STPG1: variants seen among roughly 807,000 people sequenced by gnomAD.
STPG1 encodes O(6)-methylguanine-induced apoptosis 2.
In STPG1, 33 loss-of-function variants were observed where a neutral mutation model predicts 40.1. The observed-to-expected ratio is 0.82, with a 90% confidence interval of 0.62 to 1.10. The LOEUF is 1.10. STPG1 is among the 50% of genes least tolerant of loss of function. The pLI, the probability that STPG1 is intolerant of heterozygous loss-of-function variation, is 0.00. For synonymous variants in STPG1, 150 were observed against 155.0 expected, an observed-to-expected ratio of 0.97 and a Z score of 0.24; for missense variants, 396 against 415.1, an observed-to-expected ratio of 0.95 and a Z score of 0.40.
chr1:24,401,860 T>C (rs1643242339), intron 1 of STPG1, among the ~76,000 whole-genome samples: 1 of 152,098 alleles, frequency 6.6e-6, no homozygotes, highest in Admixed American at 6.5e-5. Context: ...CTGTAATTTG[T>C]ATTTTTAGCA....
chr1:24,373,572 C>A (rs903830531), intron 6 of STPG1, 130 bp downstream of exon 6: 34 of 676,192 alleles, frequency 5.0e-5, no homozygotes, highest in African/African-American at 8.8e-5. Context: ...TGTTCAGTAC[C>A]TGCCTGCTAC....
At chr1:24,381,907 G>A (rs778919297) in intron 4 of STPG1, among the ~76,000 whole-genome samples, 10 of 152,276 alleles carry the variant, frequency 6.6e-5, no homozygotes, top group East Asian at 1.9e-4. Flanking sequence ...GAGGTAAAAC[G>A]CAGAGATCTC....
At chr1:24,392,754 T>TG (rs556133836) in intron 2 of STPG1, among the ~76,000 whole-genome samples, 30 of 151,844 alleles carry the variant, frequency 2.0e-4, no homozygotes, top group African/African-American at 4.8e-4. Flanking sequence ...AAATTTTGGG[T>TG]GGGGGGGTGC....
At chr1:24,360,718 G>A (rs1375143568) in intron 8 of STPG1, 133 bp downstream of exon 8, 18 of 779,312 alleles carry the variant, frequency 2.3e-5, no homozygotes, top group Non-Finnish European at 3.4e-5. Flanking sequence ...AACTGATAAT[G>A]CTTCCAAATC....
chr1:24,364,234 T>G (rs961980539), intron 7 of STPG1: 1 of 1,544,968 alleles, frequency 6.5e-7, no homozygotes, highest in Non-Finnish European at 8.7e-7. Context: ...CCCACCTGAC[T>G]GTCTTGAATG....
At chr1:24,378,194 C>T (rs1479796784) in intron 5 of STPG1, among the ~76,000 whole-genome samples, 3 of 152,140 alleles carry the variant, frequency 2.0e-5, no homozygotes, top group African/African-American at 7.2e-5. Flanking sequence ...AGACTCACTA[C>T]AAGGAAAATA....
upstream of STPG1, chr1:24,413,853 G>T (rs139196091): frequency 2.0e-5 from 3 of 152,360 alleles, no homozygotes; most frequent in East Asian, 5.8e-4. Context: ...TTCAAAGTCC[G>T]CAGAGAAGCC....
rs979267957 is a variant in STPG1 at position 24,379,646 on chromosome 1, T to A, written c.462+7A>T. On this transcript the variant is annotated splice_region_variant and intron_variant, in intron 5 of 8. Coordinates refer to ENST00000337248, the MANE Select transcript of STPG1 (RefSeq NM_001199013.2). ...CTGTATTTAGCAAGCATAGGCAGAG[T>A]TCTTACATTGTAATAGTTTGGTGCA... 1.9e-6 allele frequency: 3 copies of A among 1,614,006 alleles called. No individual in the cohort carries two copies. Among genetic ancestry groups the A allele is most frequent in the Non-Finnish European group, 1.7e-6 (2 of 1,179,870 alleles).
At chr1:24,384,641 G>A (rs2148699696) in intron 3 of STPG1, among the ~76,000 whole-genome samples, 1 of 152,272 alleles carries the variant, frequency 6.6e-6, no homozygotes, top group East Asian at 1.9e-4. Flanking sequence ...AGCTCATCGG[G>A]CTTTCATTGC....
At chr1:24,394,904 G>A (rs919888445) in intron 2 of STPG1, among the ~76,000 whole-genome samples, 1 of 151,878 alleles carries the variant, frequency 6.6e-6, no homozygotes, top group African/African-American at 2.4e-5. Context: ...GAAAAAAATA[G>A]TTCAAGAAAA....
At chr1:24,358,919 AAAG>A (rs1640904610) in intron 8 of STPG1, among the ~76,000 whole-genome samples, 1 of 152,228 alleles carries the variant, frequency 6.6e-6, no homozygotes, top group African/African-American at 2.4e-5. Context: ...CAATATTCTT[AAAG>A]AAGCAAGGTG....
At chr1:24,369,343 C>G (rs1247745577) in intron 7 of STPG1, 1 of 508,896 alleles carries the variant, frequency 2.0e-6, no homozygotes, top group Admixed American at 2.3e-5. Flanking sequence ...TTCCCTGTGG[C>G]TCCTCAAGTT....
intron 2 of STPG1, among the ~76,000 whole-genome samples, chr1:24,398,768 C>A (rs1053204442): frequency 6.6e-6 from 1 of 151,944 alleles, no homozygotes. Flanking sequence ...CAAATGCCTA[C>A]AATAGATATA....
intron 3 of STPG1, among the ~76,000 whole-genome samples, chr1:24,388,395 C>T (rs1642606910): frequency 6.6e-6 from 1 of 152,178 alleles, no homozygotes; most frequent in Non-Finnish European, 1.5e-5. Flanking sequence ...CTGTAAATAA[C>T]TCGAAAATGT....
chr1:24,373,936 G>T (rs1262923532), intron 5 of STPG1, 126 bp from the exon 6 acceptor site: 4 of 684,804 alleles, frequency 5.8e-6, no homozygotes, highest in South Asian at 1.7e-5. Context: ...CTTAGCAAAT[G>T]AACAGATGTG....
chr1:24,379,357 G>T, intron 5 of STPG1: 1 of 311,782 alleles, frequency 3.2e-6, no homozygotes, highest in East Asian at 6.4e-5. Flanking sequence ...TGTTACAGAT[G>T]AGAAAACTAC....
At chr1:24,365,972 G>A (rs1168864213) in intron 7 of STPG1, among the ~76,000 whole-genome samples, 1 of 152,198 alleles carries the variant, frequency 6.6e-6, no homozygotes, top group East Asian at 1.9e-4. Context: ...GGCCTCCTGA[G>A]CTTTGGTCAT....
In STPG1 at chr1:24,391,670, G is replaced by C. The variant is rs776410379; in HGVS notation, c.80C>G (p.Ala27Gly). The change falls in exon 3 of 9, where the codon GCT (alanine) becomes GGT (glycine). Residue 27 changes from alanine (A) to glycine (G), a missense_variant. Ala to Gly is a moderately conservative substitution (Grantham distance 60, BLOSUM62 0). Transcript: ENST00000337248. ...RASEVQKGFT[A>G]AYPTQSSIPF... ...AATGGAGGATTGTGTTGGATATGCA[G>C]CAGTAAAACCTAAACAACAAAAATG... 5.2e-6 allele frequency: 8 copies of C among 1,543,190 alleles called. No individual in the cohort carries two copies. Among genetic ancestry groups the C allele is most frequent in the Non-Finnish European group, 7.0e-6 (8 of 1,142,134 alleles).
chr1:24,364,220 AC>A (rs1207812332), intron 7 of STPG1: 2 of 1,539,858 alleles, frequency 1.3e-6, no homozygotes, highest in East Asian at 2.5e-5. Flanking sequence ...CTGTCTCGCC[AC>A]CCCCCACCTG....
Sources: gnomAD v4.1 joint callset for allele counts (sites outside exome capture counted in the v4.1 genomes callset) on GRCh38, gnomAD v4.1.1 for gene constraint, MANE v1.5 for transcripts, NCBI Gene and HGNC (gene_info 2026-07-23, HGNC 2026-07-21) for gene names.